LMBRD1: variants seen among roughly 807,000 people sequenced by gnomAD.
The protein encoded by LMBRD1 is LMBR1 domain containing 1, also known as lysosomal cobalamin transport escort protein LMBD1.
Under a neutral mutation model 74.8 loss-of-function variants are expected in LMBRD1, and 64 were observed. That is an observed-to-expected ratio of 0.86 (90% CI 0.70 to 1.05). The LOEUF (loss-of-function observed/expected upper bound fraction) is 1.05. Ranked by LOEUF, LMBRD1 falls within the 50% of genes least tolerant of loss-of-function variation. The pLI, the probability that LMBRD1 is intolerant of heterozygous loss-of-function variation, is 0.00. For missense variants in LMBRD1, 652 were observed against 645.9 expected (o/e 1.01, Z -0.10); for synonymous variants, 204 against 216.3 (o/e 0.94, Z 0.50).
Position 69,793,721 on chromosome 6 carries a change from T to C in LMBRD1, c.69+3092A>G, listed in dbSNP as rs1292833110. On this transcript the variant is annotated intron_variant, in intron 1 of 15. Coordinates refer to ENST00000649934, the MANE Select transcript of LMBRD1 (RefSeq NM_018368.4). ...AGGCAACATTCATGTCCTGAATCTT[T>C]TTTTTTTTTTTTTTTTTTTTGAGAC... is the stretch of plus-strand genomic sequence containing the variant. Among the ~76,000 whole-genome samples the C allele has an allele frequency of 9.1e-4, 131 of 143,378 alleles. 2 individuals are homozygous for C. In the South Asian group the frequency reaches 0.028, roughly 31 times the overall value. 94.1% of individuals were successfully genotyped at this position (143,378 alleles called of 152,430 possible).
chr6:69,728,121 G>A (rs567428054), intron 7 of LMBRD1, among the ~76,000 whole-genome samples: 4 of 152,228 alleles, frequency 2.6e-5, no homozygotes, highest in South Asian at 4.2e-4. Flanking sequence ...TATAATTGTC[G>A]CAGAAGGCAA....
At chr6:69,796,672 C>A in intron 1 of LMBRD1, 141 bp downstream of exon 1, 2 of 776,206 alleles carry the variant, frequency 2.6e-6, no homozygotes, top group Non-Finnish European at 4.4e-6. Context: ...GCCCCCAACA[C>A]TAAGGAGCCC....
intron 3 of LMBRD1, among the ~76,000 whole-genome samples, chr6:69,771,300 G>A (rs1488479460): frequency 6.6e-6 from 1 of 152,200 alleles, no homozygotes; most frequent in Admixed American, 6.5e-5. Context: ...TTCCTCACTA[G>A]CTGTTGGCTG....
At chr6:69,716,646 G>C (rs1582081392) in intron 8 of LMBRD1, among the ~76,000 whole-genome samples, 1 of 152,056 alleles carries the variant, frequency 6.6e-6, no homozygotes, top group East Asian at 1.9e-4. Flanking sequence ...GCTACATATA[G>C]ATTTATAAAT....
At chr6:69,694,738 C>A (rs1431867537) in intron 14 of LMBRD1, among the ~76,000 whole-genome samples, 1 of 152,144 alleles carries the variant, frequency 6.6e-6, no homozygotes, top group African/African-American at 2.4e-5. Flanking sequence ...TTCCTTCCCC[C>A]AAACAACCTA....
chr6:69,727,731 T>G (rs556646602), intron 7 of LMBRD1, among the ~76,000 whole-genome samples: 17 of 152,088 alleles, frequency 1.1e-4, no homozygotes, highest in Non-Finnish European at 1.9e-4. Flanking sequence ...ATTTTTAATA[T>G]TAAATTATAT....
chr6:69,773,734 G>A (rs988776479), intron 3 of LMBRD1, among the ~76,000 whole-genome samples: 2 of 152,116 alleles, frequency 1.3e-5, no homozygotes, highest in Non-Finnish European at 2.9e-5. Context: ...AAACAATGCA[G>A]TAAAAATCTT....
intron 3 of LMBRD1, among the ~76,000 whole-genome samples, chr6:69,774,988 AGGGAG>A (rs1765663633): frequency 6.8e-5 from 2 of 29,460 alleles, no homozygotes; most frequent in Non-Finnish European, 1.3e-4. Flanking sequence ...GAAGGAAGGA[AGGGAG>A]GGAGGGAGGG....
chr6:69,787,402 T>C (rs1765977308), intron 2 of LMBRD1, among the ~76,000 whole-genome samples: 1 of 152,216 alleles, frequency 6.6e-6, no homozygotes, highest in Non-Finnish European at 1.5e-5. Flanking sequence ...AAAAATCTGA[T>C]ACATTATCTA....
At position 69,752,254 on chromosome 6, in the gene LMBRD1, CT is replaced by C. The variant is rs1456492843; in HGVS notation, c.405+4del. The C allele has an allele frequency of 6.2e-7, 1 of 1,607,320 alleles. No individual in the cohort carries two copies. Among genetic ancestry groups the C allele is most frequent in the South Asian group, 1.1e-5 (1 of 90,742 alleles). Reference sequence around the variant, plus strand: ...AACTAAGGCCTCTAAAATAAAGATACTTACAGTACATTTACTAGTATCATCA... The same window carrying C: ...AACTAAGGCCTCTAAAATAAAGATACTACAGTACATTTACTAGTATCATCA... On this transcript the variant is annotated splice_donor_region_variant and intron_variant, in intron 4 of 15. Coordinates refer to ENST00000649934, the MANE Select transcript of LMBRD1 (RefSeq NM_018368.4).
chr6:69,776,927 G>A lies in LMBRD1; in HGVS notation c.307+3567C>T, dbSNP rs192526583. On this transcript the variant is annotated intron_variant, in intron 3 of 15. Transcript: ENST00000649934. ...CCCAGCACTTTGAGACGGGCAGATC[G>A]CTTGAGGTCAGGAGTTCGAGACTAG... Among the ~76,000 whole-genome samples, 356 of 152,212 alleles carry A rather than the reference G, an allele frequency of 2.3e-3. 3 individuals carry two copies. Among genetic ancestry groups the A allele is most frequent in the African/African-American group, 6.7e-3 (278 of 41,540 alleles).
At chr6:69,787,677 C>T (rs148011010) in intron 2 of LMBRD1, among the ~76,000 whole-genome samples, 3,851 of 151,928 alleles carry the variant, frequency 0.025, 65 homozygotes, top group Non-Finnish European at 0.037. Flanking sequence ...ACCCAGGAGG[C>T]GGAGGTTGCA....
intron 13 of LMBRD1, 117 bp from the exon 14 acceptor site, chr6:69,697,758 C>A: frequency 3.3e-6 from 2 of 601,060 alleles, no homozygotes; most frequent in East Asian, 2.9e-5. Flanking sequence ...ATCTAACATT[C>A]CAAAATGTAA....
At chr6:69,727,828 TTCCTA>T (rs1766768608) in intron 7 of LMBRD1, among the ~76,000 whole-genome samples, 1 of 152,198 alleles carries the variant, frequency 6.6e-6, no homozygotes, top group Non-Finnish European at 1.5e-5. Flanking sequence ...TTATAGGATT[TTCCTA>T]TCCTTATTAT....
chr6:69,729,868 T>C (rs1025503721), intron 7 of LMBRD1, among the ~76,000 whole-genome samples: 4 of 152,040 alleles, frequency 2.6e-5, no homozygotes, highest in African/African-American at 4.8e-5. Context: ...ATTTAGATTA[T>C]GATAAGCTTG....
intron 7 of LMBRD1, among the ~76,000 whole-genome samples, chr6:69,737,279 A>G (rs1273258134): frequency 2.0e-5 from 3 of 152,156 alleles, no homozygotes; most frequent in Non-Finnish European, 4.4e-5. Context: ...GTAATAAAGA[A>G]GCATTTATTA....
rs2149901083 is a variant in LMBRD1 at position 69,796,822 on chromosome 6, G to A, written c.60C>T (p.Leu20=). 4 of 1,613,898 alleles carry A rather than the reference G, an allele frequency of 2.5e-6. No homozygotes were observed. In the South Asian group the frequency reaches 4.4e-5, roughly 18 times the overall value. ...ELVIGWCIFG[L]LLLAILAFCW... is the part of the protein sequence containing the mutation. ...CAAGCGCCTCCCCTACCAGTAGTAAGAGGCCGAATATGCACCAGCCGATCA... is the reference window on the plus strand; with the variant it reads ...CAAGCGCCTCCCCTACCAGTAGTAAAAGGCCGAATATGCACCAGCCGATCA... The change falls in exon 1 of 16, where the codon CTC becomes CTT. Residue 20 remains leucine, a synonymous_variant. Transcript: ENST00000649934.
intron 1 of LMBRD1, among the ~76,000 whole-genome samples, chr6:69,795,772 C>T (rs563898088): frequency 5.3e-5 from 8 of 152,338 alleles, no homozygotes; most frequent in African/African-American, 1.9e-4. Context: ...TAAATTTTCA[C>T]ACCATTCTTT....
intron 7 of LMBRD1, among the ~76,000 whole-genome samples, chr6:69,726,997 T>C (rs1766751374): frequency 6.6e-6 from 1 of 151,834 alleles, no homozygotes; most frequent in African/African-American, 2.4e-5. Context: ...CTACTAAAAA[T>C]GCAAAAAATG....
Sources: gnomAD v4.1 joint callset for allele counts (sites outside exome capture counted in the v4.1 genomes callset) on GRCh38, gnomAD v4.1.1 for gene constraint, MANE v1.5 for transcripts, NCBI Gene and HGNC (gene_info 2026-07-23, HGNC 2026-07-21) for gene names.